The following MXI1 variants were observed in gnomAD, a reference collection of about 807,000 sequenced individuals.
MXI1 encodes MAX interactor 1, dimerization protein.
A neutral mutation model predicts 36.9 loss-of-function variants in MXI1; 18 were observed. The ratio of observed to expected loss-of-function variants is 0.49; its 90% CI spans 0.34 to 0.72. MXI1 has a LOEUF of 0.72. MXI1 is among the 30% of genes least tolerant of loss of function. The probability of loss-of-function intolerance (pLI) is 0.01; values close to 1 mark genes in which losing one functional copy is unlikely to be tolerated. For synonymous variants in MXI1, 160 were observed against 146.7 expected (o/e 1.09, Z -0.65); for missense variants, 304 against 379.1 (o/e 0.80, Z 1.64).
chr10:110,209,083 T>C (rs566998077), intron 1 of MXI1, among the ~76,000 whole-genome samples: 2 of 149,496 alleles, frequency 1.3e-5, no homozygotes, highest in South Asian at 4.2e-4. Flanking sequence ...TTCTTTTTTG[T>C]ATTTATTTGT....
At chr10:110,278,442 C>T (rs1392380834) in intron 3 of MXI1, among the ~76,000 whole-genome samples, 11 of 152,096 alleles carry the variant, frequency 7.2e-5, no homozygotes, top group Non-Finnish European at 1.6e-4. Flanking sequence ...ATTAAGCTAA[C>T]GAGCTAGCAC....
chr10:110,282,314 TCCTTTTTAACGCAA>T (rs1857281566), intron 5 of MXI1, among the ~76,000 whole-genome samples: 1 of 152,204 alleles, frequency 6.6e-6, no homozygotes, highest in Non-Finnish European at 1.5e-5. Flanking sequence ...AGTTTTTTCA[TCCTTTTTAACGCAA>T]CCTTTTTAAC....
At chr10:110,209,787 A>T (rs571364360) in intron 1 of MXI1, among the ~76,000 whole-genome samples, 1 of 151,146 alleles carries the variant, frequency 6.6e-6, no homozygotes, top group East Asian at 2.0e-4. Flanking sequence ...TGCAGGGGGG[A>T]GGGGCGCGAT....
At chr10:110,238,434 G>T (rs1231374064) in intron 2 of MXI1, among the ~76,000 whole-genome samples, 1 of 152,110 alleles carries the variant, frequency 6.6e-6, no homozygotes, top group Non-Finnish European at 1.5e-5. Flanking sequence ...GGTACTTTCT[G>T]TATATTATTG....
chr10:110,244,426 G>A lies in MXI1; in HGVS notation c.408-402G>A, dbSNP rs1034522267. 3.3e-5 allele frequency among the ~76,000 whole-genome samples: 5 copies of A among 151,910 alleles called. No homozygotes were observed. In the East Asian group the frequency reaches 9.7e-4, roughly 29 times the overall value. ...CTTTTTTTTCTCTGTTTAGAAGTGG[G>A]TAGATGGAGATAGAGGAGGACATGG... On this transcript the variant is annotated intron_variant, in intron 2 of 5. Coordinates refer to ENST00000332674, the MANE Select transcript of MXI1 (RefSeq NM_130439.3).
At chr10:110,267,599 G>T (rs1217475795) in intron 3 of MXI1, among the ~76,000 whole-genome samples, 1 of 152,048 alleles carries the variant, frequency 6.6e-6, no homozygotes, top group Non-Finnish European at 1.5e-5. Context: ...TCTAAATAAG[G>T]TTCTTTTTTT....
intron 2 of MXI1, among the ~76,000 whole-genome samples, chr10:110,228,666 TA>T (rs3838773): frequency 0.09 from 13,424 of 149,646 alleles, 1,102 homozygotes; most frequent in East Asian, 0.3. Flanking sequence ...CCAAGAAGAT[TA>T]AAAAAAAAAT....
At chr10:110,209,544 G>A (rs1197490483) in intron 1 of MXI1, among the ~76,000 whole-genome samples, 1 of 152,126 alleles carries the variant, frequency 6.6e-6, no homozygotes, top group Non-Finnish European at 1.5e-5. Context: ...TTGTGAGGTC[G>A]GTGGTGCGTT....
At position 110,228,208 on chromosome 10, in the gene MXI1, C is replaced by T; in HGVS notation, c.294C>T (p.Ala98=). The change falls in exon 2 of 6, where the codon GCC becomes GCT. Residue 98 remains alanine (A), a synonymous_variant. Transcript: ENST00000332674. The stretch of plus-strand genomic sequence containing the variant: ...CTTCAGAGTGTGAACATGGCTACGC[C>T]TCTTCATTCCCGTCCATGCCGAGCC... The part of the protein sequence containing the change: ...KENKKCEHGY[A]SSFPSMPSPR... 1 of 1,614,096 alleles carries T rather than the reference C, an allele frequency of 6.2e-7. No homozygotes were observed.
At chr10:110,213,414 G>A (rs1008378062) in intron 1 of MXI1, among the ~76,000 whole-genome samples, 5 of 152,202 alleles carry the variant, frequency 3.3e-5, no homozygotes, top group African/African-American at 1.2e-4. Context: ...GGGTGGAGTA[G>A]GGTATTTGTC....
intron 2 of MXI1, among the ~76,000 whole-genome samples, chr10:110,231,761 A>G (rs1456228471): frequency 6.6e-6 from 1 of 152,160 alleles, no homozygotes; most frequent in Non-Finnish European, 1.5e-5. Flanking sequence ...CTTCTTTACT[A>G]TTTGGTACCA....
At chr10:110,271,609 C>T (rs1377187364) in intron 3 of MXI1, among the ~76,000 whole-genome samples, 1 of 151,964 alleles carries the variant, frequency 6.6e-6, no homozygotes. Flanking sequence ...GAGATATTGG[C>T]AAGTATAAAA....
chr10:110,234,286 A>G (rs1235775949), intron 2 of MXI1, among the ~76,000 whole-genome samples: 3 of 152,172 alleles, frequency 2.0e-5, no homozygotes, highest in African/African-American at 4.8e-5. Context: ...TTTTCTAGAT[A>G]CTAATCTAAT....
Position 110,230,299 on chromosome 10 carries a change from G to T in MXI1, c.407+1978G>T, listed in dbSNP as rs142333893. Among the ~76,000 whole-genome samples the T allele has an allele frequency of 2.0e-5, 3 of 152,292 alleles. No individual in the cohort carries two copies. The South Asian group carries it at 6.2e-4, about 32-fold the overall frequency. On this transcript the variant is annotated intron_variant, in intron 2 of 5. Transcript: ENST00000332674. ...TAAGTGATGTTTCTCTTTCATGCTAGTGTCTCTGTTAGGATTCTAATATTA... is the reference window on the plus strand; with the variant it reads ...TAAGTGATGTTTCTCTTTCATGCTATTGTCTCTGTTAGGATTCTAATATTA...
chr10:110,226,166 C>G (rs773585068), intron 1 of MXI1: 20 of 1,419,188 alleles, frequency 1.4e-5, no homozygotes, highest in Middle Eastern at 2.1e-4. Flanking sequence ...CCTGTCGGCC[C>G]GAGAAGGGAG....
chr10:110,246,073 A>G lies in MXI1; in HGVS notation c.437+1216A>G, dbSNP rs914745718. The stretch of plus-strand genomic sequence containing the variant: ...ATGGTGGCTCATGCTTGTAATCCCA[A>G]CACTTTGGAAAGCCCAGGTGGGAGG... On this transcript the variant is annotated intron_variant, in intron 3 of 5. Transcript: ENST00000332674. 2.0e-5 allele frequency among the ~76,000 whole-genome samples: 3 copies of G among 152,078 alleles called. No homozygotes were observed. In the East Asian group the frequency reaches 5.8e-4, roughly 29 times the overall value.
intron 3 of MXI1, among the ~76,000 whole-genome samples, chr10:110,251,274 T>G (rs1224490305): frequency 6.6e-6 from 1 of 152,090 alleles, no homozygotes; most frequent in Non-Finnish European, 1.5e-5. Flanking sequence ...CACAAAACAG[T>G]TCTAATCATG....
chr10:110,233,191 C>T (rs946787826), intron 2 of MXI1, among the ~76,000 whole-genome samples: 4 of 152,046 alleles, frequency 2.6e-5, no homozygotes. Flanking sequence ...ATTGAGGACA[C>T]TAAAAAACAA....
At chr10:110,278,600 A>G (rs967107784) in intron 3 of MXI1, among the ~76,000 whole-genome samples, 13 of 152,156 alleles carry the variant, frequency 8.5e-5, no homozygotes, top group South Asian at 4.1e-4. Context: ...CAACATTTTT[A>G]TAAGTGAAAA....
Sources: gnomAD v4.1 joint callset for allele counts (sites outside exome capture counted in the v4.1 genomes callset) on GRCh38, gnomAD v4.1.1 for gene constraint, MANE v1.5 for transcripts, NCBI Gene and HGNC (gene_info 2026-07-23, HGNC 2026-07-21) for gene names.